The following STK33 variants were observed in gnomAD, a reference collection of about 807,000 sequenced individuals.
STK33 encodes the protein serine/threonine-protein kinase 33.
Under a neutral mutation model 58.0 loss-of-function variants are expected in STK33, and 52 were observed. The ratio of observed to expected loss-of-function variants is 0.90; its 90% CI spans 0.72 to 1.13. STK33 has a LOEUF of 1.13. Among genes scored for constraint, STK33 ranks in the 50% most tolerant of loss-of-function variants. STK33 has a pLI of 0.00. For missense variants in STK33, 630 were observed against 604.2 expected (o/e 1.04, Z -0.45); for synonymous variants, 215 against 200.1 (o/e 1.07, Z -0.63).
the STK33 span, among the ~76,000 whole-genome samples, chr11:8,354,271 C>A: frequency 6.6e-6 from 1 of 151,992 alleles, no homozygotes; most frequent in Non-Finnish European, 1.5e-5. Context: ...CCAGAATCCT[C>A]CCATCCCTAC....
chr11:8,404,698 C>T (rs11041908), intron 15 of STK33, among the ~76,000 whole-genome samples: 1 of 152,090 alleles, frequency 6.6e-6, no homozygotes, highest in East Asian at 1.9e-4. Flanking sequence ...GGATGTACCA[C>T]AATTTGTTTA....
intron 1 of STK33, among the ~76,000 whole-genome samples, chr11:8,487,686 C>A (rs1469815613): frequency 6.6e-6 from 1 of 151,878 alleles, no homozygotes; most frequent in Non-Finnish European, 1.5e-5. Context: ...AGCCAAATGG[C>A]TCAAAATTTT....
intron 1 of STK33, among the ~76,000 whole-genome samples, chr11:8,493,229 G>T (rs936818384): frequency 6.6e-6 from 1 of 151,742 alleles, no homozygotes; most frequent in African/African-American, 2.4e-5. Flanking sequence ...AAACAGAGAA[G>T]AATCAAATAG....
chr11:8,453,594 T>G (rs1946531790), intron 10 of STK33, among the ~76,000 whole-genome samples: 1 of 152,246 alleles, frequency 6.6e-6, no homozygotes, highest in Non-Finnish European at 1.5e-5. Context: ...TTCTAAATCT[T>G]GGTCATTAAA....
chr11:8,412,651 A>T (rs1268800131), intron 15 of STK33, among the ~76,000 whole-genome samples: 1 of 152,090 alleles, frequency 6.6e-6, no homozygotes, highest in East Asian at 1.9e-4. Context: ...GAAACCAGTG[A>T]CTCCTCACGA....
At chr11:8,558,628 G>A (rs777537379) in intron 1 of STK33, among the ~76,000 whole-genome samples, 23 of 152,148 alleles carry the variant, frequency 1.5e-4, no homozygotes, top group African/African-American at 5.3e-4. Flanking sequence ...AGATGCGGGT[G>A]GGTGTGGCTC....
At chr11:8,342,257 C>A in the STK33 span, among the ~76,000 whole-genome samples, 1 of 152,218 alleles carries the variant, frequency 6.6e-6, no homozygotes, top group Non-Finnish European at 1.5e-5. Context: ...GGCGTGACTT[C>A]CTCCAGGACC....
chr11:8,558,852 T>C (rs957661199), intron 1 of STK33, among the ~76,000 whole-genome samples: 1 of 152,140 alleles, frequency 6.6e-6, no homozygotes, highest in Non-Finnish European at 1.5e-5. Context: ...CAAATTCACG[T>C]TTTCAAAACA....
chr11:8,384,462 A>G, the STK33 span, among the ~76,000 whole-genome samples: 1 of 152,342 alleles, frequency 6.6e-6, no homozygotes, highest in South Asian at 2.1e-4. Context: ...GAGGTCGGAC[A>G]TTAGCCAGGC....
intron 15 of STK33, among the ~76,000 whole-genome samples, chr11:8,411,496 C>T (rs1316269126): frequency 2.6e-5 from 4 of 152,122 alleles, no homozygotes. Context: ...CCTCACTTAC[C>T]CTGTCTGCTA....
chr11:8,350,236 G>A, the STK33 span, among the ~76,000 whole-genome samples: 4 of 152,340 alleles, frequency 2.6e-5, no homozygotes, highest in South Asian at 4.1e-4. Context: ...CTACACCCAC[G>A]CTGGGATGCA....
rs762799574 is a variant in STK33 at position 8,474,698 on chromosome 11, T to C, written c.208A>G (p.Thr70Ala). The change falls in exon 5 of 16, where the codon ACC becomes GCC. Residue 70 changes from threonine to alanine, a missense_variant. Transcript: ENST00000687296. ...KKEKNINRDI[T>A]SRKDLPSRTS... is the part of the protein sequence containing the mutation. ...ATATTTACCAAATCTTTCCTGGAGG[T>C]TATATCTCTGTTGATATTTTTTTCT... is the stretch of plus-strand genomic sequence containing the variant. 4 of 1,609,558 alleles carry C rather than the reference T, an allele frequency of 2.5e-6. No homozygotes were observed. The South Asian group carries it at 4.4e-5, about 18-fold the overall frequency.
rs1949119666 is a variant in STK33 at position 8,474,855 on chromosome 11, T to C, written c.51A>G (p.Ser17=). The change falls in exon 5 of 16, where the codon TCA becomes TCG. Residue 17 remains serine, a synonymous_variant. Coordinates refer to ENST00000687296, the MANE Select transcript of STK33 (RefSeq NM_001352389.2). ...DKKSTKCPDC[S]SASQKDVLCV... ...AAAGTACATCTTTCTGAGAAGCAGA[T>C]GAACAGTCGGGGCATTTTGTGGATT... The C allele has an allele frequency of 5.0e-6, 8 of 1,608,164 alleles. No individual in the cohort carries two copies. Among genetic ancestry groups the C allele is most frequent in the African/African-American group, 4.0e-5 (3 of 74,776 alleles).
At chr11:8,506,701 G>A (rs1951886813) in intron 1 of STK33, among the ~76,000 whole-genome samples, 1 of 152,024 alleles carries the variant, frequency 6.6e-6, no homozygotes, top group African/African-American at 2.4e-5. Flanking sequence ...ATTTTTACAG[G>A]TTCCAGGAAT....
the STK33 span, among the ~76,000 whole-genome samples, chr11:8,356,040 C>T: frequency 6.6e-6 from 1 of 152,168 alleles, no homozygotes; most frequent in Non-Finnish European, 1.5e-5. Context: ...AACCAAACGC[C>T]GTTCTACCCC....
intron 11 of STK33, among the ~76,000 whole-genome samples, chr11:8,447,460 T>C (rs1210204652): frequency 6.6e-6 from 1 of 152,196 alleles, no homozygotes; most frequent in Non-Finnish European, 1.5e-5. Flanking sequence ...GCTTCATCTC[T>C]GGGATACAAG....
intron 1 of STK33, among the ~76,000 whole-genome samples, chr11:8,579,359 C>G (rs897411957): frequency 2.6e-5 from 4 of 151,888 alleles, no homozygotes; most frequent in Non-Finnish European, 4.4e-5. Flanking sequence ...TACTTGTATC[C>G]CTATTTTAAC....
the STK33 span, among the ~76,000 whole-genome samples, chr11:8,338,483 C>T: frequency 2.0e-5 from 3 of 152,188 alleles, no homozygotes; most frequent in Non-Finnish European, 2.9e-5. Flanking sequence ...CAGACCCAGC[C>T]GGCCAGGACG....
chr11:8,343,829 C>T, the STK33 span, among the ~76,000 whole-genome samples: 13 of 152,182 alleles, frequency 8.5e-5, no homozygotes, highest in African/African-American at 3.1e-4. Context: ...GCCCCTCATC[C>T]TGGCCTCAGC....
Sources: allele counts gnomAD v4.1 joint callset (sites outside exome capture counted in the v4.1 genomes callset), GRCh38; gene constraint gnomAD v4.1.1; transcripts MANE v1.5; gene names NCBI Gene and HGNC (gene_info 2026-07-23, HGNC 2026-07-21).